Variants in HOXA6 observed in about 807,000 individuals in gnomAD.
HOXA6 encodes the protein homeobox A6.
In HOXA6, 19 loss-of-function variants were observed where a neutral mutation model predicts 23.2. That is an observed-to-expected ratio of 0.82 (90% CI 0.57 to 1.20). HOXA6 has a LOEUF of 1.20. Ranked by LOEUF, HOXA6 falls within the 50% of genes most tolerant of loss-of-function variation. The pLI, the probability that HOXA6 is intolerant of heterozygous loss-of-function variation, is 0.00. For missense variants in HOXA6, 346 were observed against 313.6 expected (o/e 1.10, Z -0.78); for synonymous variants, 140 against 132.6 (o/e 1.06, Z -0.38).
chr7:27,147,580 A>G lies in HOXA6; in HGVS notation c.170T>C (p.Phe57Ser). 3 of 1,614,208 alleles carry G rather than the reference A, an allele frequency of 1.9e-6. No individual in the cohort carries two copies. Among genetic ancestry groups the G allele is most frequent in the Non-Finnish European group, 2.5e-6 (3 of 1,180,042 alleles). ...LPDKTYTSPC[F>S]YQQSNSVLAC... is the part of the protein sequence containing the mutation. Reference sequence around the variant, plus strand: ...CAGGACCGAGTTGGACTGTTGGTAGAAACAAGGTGAGGTGTACGTCTTGTC... The same window carrying G: ...CAGGACCGAGTTGGACTGTTGGTAGGAACAAGGTGAGGTGTACGTCTTGTC... Residue 57 changes from phenylalanine (F) to serine (S), a missense_variant, in exon 1 of 2, where the codon TTC becomes TCC. By Grantham distance (155) the Phe-to-Ser change is radical. Transcript: ENST00000222728.
In HOXA6 at chr7:27,145,418, C is replaced by T. The variant is rs1465972598; in HGVS notation, c.*240G>A. ...GACTGGGTGTGTGCAGTGCGCCCCG[C>T]TCCACCGCTGGTATTGGCTGTGTGT... On this transcript the variant is annotated 3_prime_UTR_variant, in exon 2 of 2. Transcript: ENST00000222728. 2 of 616,664 alleles carry T rather than the reference C, an allele frequency of 3.2e-6. No individual in the cohort carries two copies. The highest frequency in any genetic ancestry group is 2.9e-5 in the East Asian group (1 of 34,788). 38.2% of individuals were successfully genotyped at this position (616,664 alleles called of 1,614,324 possible). A position where few individuals can be genotyped will look rare whatever the true frequency, so the allele number is the denominator to read the frequency against.
intron 1 of HOXA6, chr7:27,147,046 G>A (rs920486659): frequency 2.0e-5 from 11 of 538,490 alleles, no homozygotes; most frequent in East Asian, 5.9e-5. Flanking sequence ...CCCTGTCACA[G>A]GTCTCATATA....
Position 27,147,383 on chromosome 7 carries a change from G to T in HOXA6, c.367C>A (p.Leu123Ile). The T allele has an allele frequency of 6.2e-7, 1 of 1,614,186 alleles. No individual in the cohort carries two copies. The highest frequency in any genetic ancestry group is 8.5e-7 in the Non-Finnish European group (1 of 1,180,044). ...TTCCGGTCGGCGCCTTCGTCATGGAGTGCTTTGCCCTGCCCGCTGCTGCTG... is the reference window on the plus strand; with the variant it reads ...TTCCGGTCGGCGCCTTCGTCATGGATTGCTTTGCCCTGCCCGCTGCTGCTG... ...PDSSSGQGKA[L>I]HDEGADRKYT... The change falls in exon 1 of 2, where the codon CTC becomes ATC. Residue 123 changes from leucine to isoleucine, a missense_variant. Transcript: ENST00000222728.
Position 27,145,694 on chromosome 7 carries a change from G to T in HOXA6, c.666C>A (p.Pro222=). The T allele has an allele frequency of 6.2e-7, 1 of 1,614,164 alleles. No homozygotes were observed. Among genetic ancestry groups the T allele is most frequent in the Admixed American group, 1.7e-5 (1 of 60,032 alleles). Residue 222 remains proline (P), a synonymous_variant, in exon 2 of 2, where the codon CCC becomes CCA. Coordinates refer to ENST00000222728, the MANE Select transcript of HOXA6 (RefSeq NM_024014.4). ...CCTTTGCCTCTGAGTCCTCCCCGCT[G>T]GGCTGCGTGGAATTGATGAGCTTGT... ...KENKLINSTQ[P]SGEDSEAKAG...
intron 1 of HOXA6, among the ~76,000 whole-genome samples, chr7:27,146,366 G>A (rs987772356): frequency 2.6e-5 from 4 of 151,960 alleles, no homozygotes; most frequent in African/African-American, 7.3e-5. Context: ...CAGCCATGTC[G>A]GAACTCAACA....
rs1454642111 is a variant in HOXA6, at chr7:27,145,770, C to G, written c.590G>C (p.Arg197Pro). The G allele has an allele frequency of 1.2e-6, 2 of 1,614,226 alleles. No individual in the cohort carries two copies. The highest frequency in any genetic ancestry group is 1.7e-6 in the Non-Finnish European group (2 of 1,180,048). Residue 197 changes from arginine (R) to proline (P), a missense_variant, in exon 2 of 2, where the codon CGC (arginine) becomes CCC (proline). By Grantham distance (103) the Arg-to-Pro change is moderately radical (BLOSUM62 -2). Coordinates refer to ENST00000222728, the MANE Select transcript of HOXA6 (RefSeq NM_024014.4). ...GTTCTGGAACCAGATCTTGATCTGG[C>G]GCTCGGTGAGGCAGAGCGCGTTGGC... The part of the protein sequence containing the change: ...EIANALCLTE[R>P]QIKIWFQNRR...
Position 27,145,806 on chromosome 7 carries a change from C to T in HOXA6, c.554G>A (p.Arg185His), listed in dbSNP as rs2128061955. 2 of 1,614,232 alleles carry T rather than the reference C, an allele frequency of 1.2e-6. No homozygotes were observed. Among genetic ancestry groups the T allele is most frequent in the Non-Finnish European group, 8.5e-7 (1 of 1,180,050 alleles). Reference sequence around the variant, plus strand: ...GCAGAGCGCGTTGGCGATCTCGATGCGGCGGCGCCGTGTCAGGTAGCGGTT... The same window carrying T: ...GCAGAGCGCGTTGGCGATCTCGATGTGGCGGCGCCGTGTCAGGTAGCGGTT... ...HFNRYLTRRRRIEIANALCLT... is the reference protein window; with the variant it reads ...HFNRYLTRRRHIEIANALCLT... Residue 185 changes from arginine to histidine, a missense_variant, in exon 2 of 2, where the codon CGC (arginine) becomes CAC (histidine). By Grantham distance (29) the Arg-to-His change is conservative. Transcript: ENST00000222728.
At chr7:27,146,683 G>A (rs1234799633) in intron 1 of HOXA6, among the ~76,000 whole-genome samples, 1 of 152,128 alleles carries the variant, frequency 6.6e-6, no homozygotes, top group Admixed American at 6.5e-5. Flanking sequence ...AGGGTGGTGG[G>A]GGGTCCCTCC....
Position 27,147,666 on chromosome 7 carries a change from G to C in HOXA6, c.84C>G (p.Tyr28Ter). ...GCCTCAGCGCGTCATAGCCAGCCTGGTAGAGGGGCAGCTGGCCCAAGAAGG... is the reference window on the plus strand; with the variant it reads ...GCCTCAGCGCGTCATAGCCAGCCTGCTAGAGGGGCAGCTGGCCCAAGAAGG... ...QDSFLGQLPL[Y>*]QAGYDALRPF... Residue 28 changes from tyrosine (Y) to a stop codon, truncating the protein, a stop_gained, in exon 1 of 2, where the codon TAC becomes TAG. Transcript: ENST00000222728. LOFTEE classifies it high-confidence loss of function. 1 of 1,614,140 alleles carries C rather than the reference G, an allele frequency of 6.2e-7. No homozygotes were observed. The highest frequency in any genetic ancestry group is 8.5e-7 in the Non-Finnish European group (1 of 1,180,038).
intron 1 of HOXA6, 88 bp downstream of exon 1, chr7:27,147,220 A>G (rs747611568): frequency 1.6e-6 from 2 of 1,261,208 alleles, no homozygotes; most frequent in Admixed American, 2.2e-5. Flanking sequence ...CTTTCTCTCT[A>G]TTCCTCTTTC....
At chr7:27,146,093 G>A (rs143058864) in intron 1 of HOXA6, among the ~76,000 whole-genome samples, 176 bp from the exon 2 acceptor site, 13 of 152,354 alleles carry the variant, frequency 8.5e-5, no homozygotes, top group African/African-American at 2.9e-4. Flanking sequence ...CATACCAAGC[G>A]AGATGTTTTC....
Position 27,145,815 on chromosome 7 carries a change from C to T in HOXA6, c.545G>A (p.Arg182Gln), listed in dbSNP as rs764129431. 2 of 1,614,152 alleles carry T rather than the reference C, an allele frequency of 1.2e-6. No homozygotes were observed. The highest frequency in any genetic ancestry group is 1.7e-6 in the Non-Finnish European group (2 of 1,180,058). The change falls in exon 2 of 2, where the codon CGG becomes CAG. Residue 182 changes from arginine (R) to glutamine (Q), a missense_variant. By Grantham distance (43) the Arg-to-Gln change is conservative. Coordinates refer to ENST00000222728, the MANE Select transcript of HOXA6 (RefSeq NM_024014.4). ...KEFHFNRYLT[R>Q]RRRIEIANAL... ...GTTGGCGATCTCGATGCGGCGGCGC[C>T]GTGTCAGGTAGCGGTTGAAGTGGAA...
Position 27,145,633 on chromosome 7 carries a change from G to A in HOXA6, c.*25C>T. ...GGGCAAAGCCGAAGGAGGTTGCAGC[G>A]CTGGCCTGGTCCCTGCCCAGGCATC... On this transcript the variant is annotated 3_prime_UTR_variant, in exon 2 of 2. Coordinates refer to ENST00000222728, the MANE Select transcript of HOXA6 (RefSeq NM_024014.4). The A allele has an allele frequency of 6.2e-7, 1 of 1,604,946 alleles. No individual in the cohort carries two copies. Among genetic ancestry groups the A allele is most frequent in the Non-Finnish European group, 8.5e-7 (1 of 1,175,098 alleles).
At chr7:27,146,252 T>TGTGG (rs61260954) in intron 1 of HOXA6, among the ~76,000 whole-genome samples, 107 of 5,628 alleles carry the variant, frequency 0.019, no homozygotes, top group African/African-American at 0.038. Flanking sequence ...TGTGTGTGTT[T>TGTGG]GTGTGTGTGT....
At position 27,145,858 on chromosome 7, in the gene HOXA6, G is replaced by T. The variant is rs1436934135; in HGVS notation, c.502C>A (p.Leu168Met). Reference protein sequence around the residue: ...GRQTYTRYQTLELEKEFHFNR... With the variant: ...GRQTYTRYQTMELEKEFHFNR... ...AAGTGGAACTCCTTCTCCAGCTCCA[G>T]TGTCTGGTAGCGCGTGTAGGTCTGG... is the stretch of plus-strand genomic sequence containing the variant. Residue 168 changes from leucine to methionine, a missense_variant, in exon 2 of 2, where the codon CTG (leucine) becomes ATG (methionine). Leu to Met is a conservative substitution (Grantham distance 15). Coordinates refer to ENST00000222728, the MANE Select transcript of HOXA6 (RefSeq NM_024014.4). 6.2e-7 allele frequency: 1 copy of T among 1,614,248 alleles called. No individual in the cohort carries two copies. Among genetic ancestry groups the T allele is most frequent in the Non-Finnish European group, 8.5e-7 (1 of 1,180,050 alleles).
chr7:27,147,047 G>T (rs1378776533), intron 1 of HOXA6: 4 of 539,816 alleles, frequency 7.4e-6, no homozygotes, highest in Non-Finnish European at 1.3e-5. Flanking sequence ...CCTGTCACAG[G>T]TCTCATATAC....
Position 27,145,741 on chromosome 7 carries a change from G to A in HOXA6, c.619C>T (p.Arg207Cys), listed in dbSNP as rs188748627. 30 of 1,614,204 alleles carry A rather than the reference G, an allele frequency of 1.9e-5. No homozygotes were observed. The East Asian group carries it at 5.1e-4, about 28-fold the overall frequency. The part of the protein sequence containing the change: ...RQIKIWFQNR[R>C]MKWKKENKLI... ...TTGTTTTCCTTTTTCCACTTCATGC[G>A]GCGGTTCTGGAACCAGATCTTGATC... is the stretch of plus-strand genomic sequence containing the variant. Residue 207 changes from arginine to cysteine, a missense_variant, in exon 2 of 2, where the codon CGC becomes TGC. By Grantham distance (180) the Arg-to-Cys change is radical. Coordinates refer to ENST00000222728, the MANE Select transcript of HOXA6 (RefSeq NM_024014.4).
At position 27,147,299 on chromosome 7, in the gene HOXA6, A is replaced by G. The variant is rs760136063; in HGVS notation, c.442+9T>C. On this transcript the variant is annotated intron_variant, in intron 1 of 1. Coordinates refer to ENST00000222728, the MANE Select transcript of HOXA6 (RefSeq NM_024014.4). Reference sequence around the variant, plus strand: ...CCCTCTCCCTCCACTGTCTTGGGATATGTCTTACCCGCGCAGGAGTTCATC... The same window carrying G: ...CCCTCTCCCTCCACTGTCTTGGGATGTGTCTTACCCGCGCAGGAGTTCATC... The G allele has an allele frequency of 3.1e-6, 5 of 1,610,206 alleles. No individual in the cohort carries two copies. The highest frequency in any genetic ancestry group is 1.3e-5 in the African/African-American group (1 of 74,646).
intron 1 of HOXA6, 172 bp downstream of exon 1, chr7:27,147,136 A>G (rs1005749150): frequency 8.8e-6 from 6 of 682,956 alleles, no homozygotes; most frequent in Non-Finnish European, 1.4e-5. Flanking sequence ...CCATGGCCTG[A>G]TAGCCCCATT....
Sources: allele counts gnomAD v4.1 joint callset (sites outside exome capture counted in the v4.1 genomes callset), GRCh38; gene constraint gnomAD v4.1.1; transcripts MANE v1.5; gene names NCBI Gene and HGNC (gene_info 2026-07-23, HGNC 2026-07-21).